PCLO: variants seen among roughly 807,000 people sequenced by gnomAD.
PCLO encodes the protein piccolo presynaptic cytomatrix protein, also known as protein piccolo.
Under a neutral mutation model 427.5 loss-of-function variants are expected in PCLO, and 82 were observed. That is an observed-to-expected ratio of 0.19 (90% confidence interval 0.16 to 0.23). PCLO has a LOEUF of 0.23. PCLO is among the 10% of genes least tolerant of loss of function. The probability of loss-of-function intolerance (pLI) is 1.00; values close to 1 mark genes in which losing one functional copy is unlikely to be tolerated. For synonymous variants in PCLO, 2,357 were observed against 2,155.4 expected, an observed-to-expected ratio of 1.09 and a Z score of -2.59; for missense variants, 6,239 against 6,115.9, an observed-to-expected ratio of 1.02 and a Z score of -0.67.
intron 6 of PCLO, among the ~76,000 whole-genome samples, chr7:82,926,307 A>C (rs1794711442): frequency 6.6e-6 from 1 of 152,154 alleles, no homozygotes; most frequent in Non-Finnish European, 1.5e-5. Flanking sequence ...AATTATAGAC[A>C]TCTTTATTCA....
intron 3 of PCLO, among the ~76,000 whole-genome samples, chr7:82,983,511 G>T (rs1796193602): frequency 6.6e-6 from 1 of 150,494 alleles, no homozygotes; most frequent in Admixed American, 6.7e-5. Flanking sequence ...TGTTATAAAT[G>T]TTAACATTTT....
intron 20 of PCLO, among the ~76,000 whole-genome samples, chr7:82,818,218 A>G (rs1160848058): frequency 6.6e-6 from 1 of 152,164 alleles, no homozygotes; most frequent in Non-Finnish European, 1.5e-5. Flanking sequence ...ACTAAACCCC[A>G]GAGGGAAAGA....
At chr7:82,976,034 C>A (rs1277297443) in intron 3 of PCLO, among the ~76,000 whole-genome samples, 1 of 152,112 alleles carries the variant, frequency 6.6e-6, no homozygotes, top group Non-Finnish European at 1.5e-5. Context: ...CTGTCTAATA[C>A]AGTTTATCAC....
In PCLO at chr7:83,038,075, ATATATATATCTT is replaced by A. The variant is rs1788870619; in HGVS notation, c.3301-71600_3301-71589del. Among the ~76,000 whole-genome samples, 18 of 48,392 alleles carry A rather than the reference ATATATATATCTT, an allele frequency of 3.7e-4. 1 individual carries two copies. Among genetic ancestry groups the A allele is most frequent in the African/African-American group, 1.2e-3 (16 of 13,336 alleles). 31.7% of individuals were successfully genotyped at this position (48,392 alleles called of 152,430 possible). On this transcript the variant is annotated intron_variant, in intron 3 of 24. Coordinates refer to ENST00000333891, the MANE Select transcript of PCLO (RefSeq NM_033026.6). ...TCTTTATATATATATTTATATATTT[ATATATATATCTT>A]TATATATATATATTTATATATGTAT...
At chr7:83,061,438 A>C (rs1421123082) in intron 3 of PCLO, among the ~76,000 whole-genome samples, 1 of 152,192 alleles carries the variant, frequency 6.6e-6, no homozygotes. Flanking sequence ...ATTTATTATT[A>C]CATCTGCCAA....
chr7:83,112,729 C>T (rs1228772521), intron 3 of PCLO, among the ~76,000 whole-genome samples: 2 of 152,102 alleles, frequency 1.3e-5, no homozygotes, highest in Non-Finnish European at 2.9e-5. Context: ...ATAAAGAAAG[C>T]ATTCATATTA....
chr7:82,860,829 A>T (rs370024084), intron 10 of PCLO, among the ~76,000 whole-genome samples: 1 of 152,088 alleles, frequency 6.6e-6, no homozygotes, highest in Non-Finnish European at 1.5e-5. Context: ...AAATTAAGGC[A>T]TAGAGTTTTT....
intron 4 of PCLO, among the ~76,000 whole-genome samples, chr7:82,963,920 A>G (rs1056347260): frequency 1.3e-5 from 2 of 152,272 alleles, no homozygotes; most frequent in African/African-American, 4.8e-5. Context: ...AAGAAAGTGA[A>G]AAAGTTATAA....
In PCLO at chr7:82,950,566, TACTGACCTTCCA is replaced by T. The variant is rs757923401; in HGVS notation, c.10010_10021del (p.Leu3337_Gln3340del). On this transcript the variant is annotated inframe_deletion, in exon 6 of 25. Coordinates refer to ENST00000333891, the MANE Select transcript of PCLO (RefSeq NM_033026.6). ...AAATTGACTGCCTTCCAGAGCAGCA[TACTGACCTTCCA>T]AAATTGCCTGCTCTGTAGTGGTTTG... The T allele has an allele frequency of 6.2e-7, 1 of 1,613,704 alleles. No individual in the cohort carries two copies. Among genetic ancestry groups the T allele is most frequent in the African/African-American group, 1.3e-5 (1 of 74,904 alleles).
At chr7:83,110,974 G>T (rs923289972) in intron 3 of PCLO, among the ~76,000 whole-genome samples, 1 of 152,122 alleles carries the variant, frequency 6.6e-6, no homozygotes, top group Admixed American at 6.6e-5. Flanking sequence ...TAAAGAAAAT[G>T]ATGCATTAAT....
At position 82,952,399 on chromosome 7, in the gene PCLO, G is replaced by C; in HGVS notation, c.8554C>G (p.Pro2852Ala). 6.2e-7 allele frequency: 1 copy of C among 1,613,854 alleles called. No homozygotes were observed. The highest frequency in any genetic ancestry group is 8.5e-7 in the Non-Finnish European group (1 of 1,179,826). Residue 2852 changes from proline to alanine, a missense_variant, in exon 5 of 25, where the codon CCA becomes GCA. By Grantham distance (27) the Pro-to-Ala change is conservative. Transcript: ENST00000333891. ...GGAGTACCTAGAGATAAGTTTATTG[G>C]TGCTTCTTCCCTAGCTATAGGAAAG... Reference protein sequence around the residue: ...QVFPIAREEAPINLSLGTPAH... With the variant: ...QVFPIAREEAAINLSLGTPAH...
intron 19 of PCLO, 61 bp downstream of exon 19, chr7:82,824,175 A>T: frequency 8.9e-7 from 1 of 1,122,426 alleles, no homozygotes; most frequent in Non-Finnish European, 1.3e-6. Context: ...ATTCACACTA[A>T]GAAGATACAG....
At chr7:82,770,138 G>T (rs1790618784) in intron 22 of PCLO, among the ~76,000 whole-genome samples, 1 of 152,018 alleles carries the variant, frequency 6.6e-6, no homozygotes, top group South Asian at 2.1e-4. Context: ...TGATGAAAGT[G>T]ATGATCTTTT....
In PCLO at chr7:83,134,386, G is replaced by A. The variant is rs201023591; in HGVS notation, c.3164C>T (p.Pro1055Leu). The stretch of plus-strand genomic sequence containing the variant: ...TTTGCAGAGAGGACAGGTTGATTCT[G>A]GTTTGGGCGATTTCTCCAGTTTTGT... Reference protein sequence around the residue: ...LPTKLEKSPKPESTCPLCKTE... With the variant: ...LPTKLEKSPKLESTCPLCKTE... Residue 1055 changes from proline to leucine, a missense_variant, in exon 3 of 25, where the codon CCA (proline) becomes CTA (leucine). By Grantham distance (98) the Pro-to-Leu change is moderately conservative. This residue lies in a region of PCLO where 4,677 missense variants were observed against 4,468.4 expected (regional missense o/e 1.05). Coordinates refer to ENST00000333891, the MANE Select transcript of PCLO (RefSeq NM_033026.6). The A allele has an allele frequency of 2.5e-6, 4 of 1,613,746 alleles. No homozygotes were observed. Among genetic ancestry groups the A allele is most frequent in the Non-Finnish European group, 3.4e-6 (4 of 1,179,832 alleles).
At chr7:82,870,227 G>T (rs954069687) in intron 10 of PCLO, among the ~76,000 whole-genome samples, 2 of 151,862 alleles carry the variant, frequency 1.3e-5, no homozygotes, top group African/African-American at 4.8e-5. Flanking sequence ...AGCATGGCAT[G>T]GCATAAAAAT....
At chr7:83,151,545 A>T (rs1198045565) in intron 2 of PCLO, among the ~76,000 whole-genome samples, 1 of 152,224 alleles carries the variant, frequency 6.6e-6, no homozygotes, top group Non-Finnish European at 1.5e-5. Context: ...TCAGTCAATA[A>T]GGAAATGCCT....
At chr7:82,774,911 G>A (rs1790717711) in intron 22 of PCLO, among the ~76,000 whole-genome samples, 1 of 152,006 alleles carries the variant, frequency 6.6e-6, no homozygotes, top group Admixed American at 6.6e-5. Flanking sequence ...CCTTCTCCCC[G>A]CTAAACCCCT....
intron 3 of PCLO, among the ~76,000 whole-genome samples, chr7:83,073,804 A>C (rs1562950837): frequency 6.6e-6 from 1 of 151,100 alleles, no homozygotes; most frequent in African/African-American, 2.4e-5. Context: ...TTTTTAGTAA[A>C]TATTTTATTA....
intron 7 of PCLO, among the ~76,000 whole-genome samples, chr7:82,912,855 C>A (rs1794356027): frequency 1.3e-5 from 2 of 151,974 alleles, no homozygotes; most frequent in Admixed American, 6.6e-5. Context: ...GATGATAAAT[C>A]AAACTCTCTT....
Sources: gnomAD v4.1 joint callset for allele counts (sites outside exome capture counted in the v4.1 genomes callset) on GRCh38, gnomAD v4.1.1 for gene constraint, gnomAD v4.1.1 regional missense constraint, MANE v1.5 for transcripts, NCBI Gene and HGNC (gene_info 2026-07-23, HGNC 2026-07-21) for gene names.